Variants in DLGAP2 observed in about 807,000 individuals in gnomAD.
The protein encoded by DLGAP2 is DLG associated protein 2.
A neutral mutation model predicts 100.3 loss-of-function variants in DLGAP2; 26 were observed. The ratio of observed to expected loss-of-function variants is 0.26; its 90% CI spans 0.19 to 0.36. The LOEUF (loss-of-function observed/expected upper bound fraction) is 0.36. Among genes scored for constraint, DLGAP2 ranks in the 10% least tolerant of loss-of-function variants. The probability of loss-of-function intolerance (pLI) is 1.00; values close to 1 mark genes in which losing one functional copy is unlikely to be tolerated. For missense variants in DLGAP2, 1,858 were observed against 1,453.2 expected (o/e 1.28, Z -4.53); for synonymous variants, 886 against 630.1 (o/e 1.41, Z -6.08).
chr8:742,979 A>C (rs1024270573), intron 1 of DLGAP2, among the ~76,000 whole-genome samples: 4 of 152,218 alleles, frequency 2.6e-5, no homozygotes, highest in African/African-American at 9.6e-5. Flanking sequence ...TATTTTTATC[A>C]TGAAAAAATA....
At chr8:1,593,381 G>A (rs1193412199) in intron 6 of DLGAP2, among the ~76,000 whole-genome samples, 1 of 152,060 alleles carries the variant, frequency 6.6e-6, no homozygotes, top group Non-Finnish European at 1.5e-5. Flanking sequence ...CGTGAACCCA[G>A]GAGGCGGAGC....
intron 2 of DLGAP2, among the ~76,000 whole-genome samples, chr8:1,174,736 A>G (rs1221769365): frequency 6.6e-6 from 1 of 152,154 alleles, no homozygotes; most frequent in African/African-American, 2.4e-5. Context: ...TACCATGACC[A>G]AAATCATTAT....
At chr8:919,919 C>T (rs113789853) in intron 2 of DLGAP2, among the ~76,000 whole-genome samples, 185 of 152,324 alleles carry the variant, frequency 1.2e-3, no homozygotes, top group African/African-American at 4.1e-3. Context: ...GTTTTAATAA[C>T]TCCCTTCCAC....
chr8:1,139,660 G>T (rs929808279), intron 2 of DLGAP2, among the ~76,000 whole-genome samples: 1 of 152,178 alleles, frequency 6.6e-6, no homozygotes, highest in African/African-American at 2.4e-5. Flanking sequence ...AGCCCAGGGA[G>T]ACACTTTATC....
intron 1 of DLGAP2, among the ~76,000 whole-genome samples, chr8:778,719 C>G (rs909972740): frequency 6.6e-6 from 1 of 152,224 alleles, no homozygotes; most frequent in East Asian, 1.9e-4. Flanking sequence ...CAGCTGCGTA[C>G]TGGGAGAACC....
intron 6 of DLGAP2, among the ~76,000 whole-genome samples, chr8:1,586,075 G>A (rs1461503755): frequency 1.3e-5 from 2 of 152,210 alleles, no homozygotes; most frequent in Non-Finnish European, 2.9e-5. Context: ...CAAACTTAGT[G>A]TCTTAAAACA....
intron 8 of DLGAP2, among the ~76,000 whole-genome samples, chr8:1,656,068 A>T (rs553793511): frequency 1.3e-5 from 2 of 152,354 alleles, no homozygotes; most frequent in Non-Finnish European, 2.9e-5. Context: ...TCACAGCTGT[A>T]ATCCCAGCAC....
chr8:869,089 CCCTT>C (rs916386229), intron 1 of DLGAP2, among the ~76,000 whole-genome samples: 1 of 152,190 alleles, frequency 6.6e-6, no homozygotes, highest in Non-Finnish European at 1.5e-5. Flanking sequence ...CCTGGGCCCT[CCCTT>C]CCTTCCTCTC....
chr8:1,155,389 G>C (rs1332191360), intron 2 of DLGAP2, among the ~76,000 whole-genome samples: 1 of 152,200 alleles, frequency 6.6e-6, no homozygotes, highest in Admixed American at 6.5e-5. Context: ...TCTCCGAGTG[G>C]AGCTCTTGCC....
intron 2 of DLGAP2, among the ~76,000 whole-genome samples, chr8:935,983 AAGAGTC>A (rs1173584470): frequency 6.6e-6 from 1 of 152,234 alleles, no homozygotes; most frequent in Non-Finnish European, 1.5e-5. Flanking sequence ...GGAACAGTCT[AAGAGTC>A]AGAGTAGGAA....
chr8:1,628,282 C>G (rs970637063), intron 7 of DLGAP2, among the ~76,000 whole-genome samples: 3 of 146,038 alleles, frequency 2.1e-5, no homozygotes. Flanking sequence ...CACATTCTCT[C>G]TGACTTACTG....
chr8:1,596,725 G>GT (rs925785056), intron 6 of DLGAP2, among the ~76,000 whole-genome samples: 20 of 151,488 alleles, frequency 1.3e-4, no homozygotes, highest in African/African-American at 3.4e-4. Context: ...GGGTTGTTAG[G>GT]TTTTTTTTTC....
At chr8:1,480,254 G>A (rs78369871) in intron 3 of DLGAP2, among the ~76,000 whole-genome samples, 4,129 of 152,270 alleles carry the variant, frequency 0.027, 84 homozygotes, top group Middle Eastern at 0.11. Flanking sequence ...GCCGGGTCTT[G>A]TTTTTATGTC....
chr8:1,155,384 G>A (rs976548297), intron 2 of DLGAP2, among the ~76,000 whole-genome samples: 3 of 152,300 alleles, frequency 2.0e-5, no homozygotes, highest in South Asian at 2.1e-4. Context: ...GATGGTCTCC[G>A]AGTGGAGCTC....
At chr8:1,701,051 G>T in intron 14 of DLGAP2, 137 bp from the exon 15 acceptor site, 2 of 756,744 alleles carry the variant, frequency 2.6e-6, no homozygotes, top group East Asian at 2.7e-5. Flanking sequence ...CAGGGCAGAC[G>T]GGGGACGGGA....
intron 2 of DLGAP2, among the ~76,000 whole-genome samples, chr8:1,133,956 C>T (rs1268943357): frequency 1.3e-5 from 2 of 151,982 alleles, no homozygotes. Flanking sequence ...GATATTAAGC[C>T]CAGTACCCAT....
At chr8:1,443,106 A>G (rs1797884878) in intron 3 of DLGAP2, among the ~76,000 whole-genome samples, 1 of 152,222 alleles carries the variant, frequency 6.6e-6, no homozygotes, top group Non-Finnish European at 1.5e-5. Context: ...CATGGAAAGT[A>G]TGTAGTTAAA....
At chr8:1,163,612 C>T (rs1796934407) in intron 2 of DLGAP2, among the ~76,000 whole-genome samples, 2 of 152,352 alleles carry the variant, frequency 1.3e-5, no homozygotes, top group South Asian at 4.1e-4. Context: ...GTAACTGACC[C>T]CGGAAGCGCA....
At chr8:788,120 A>G (rs1324305549) in intron 1 of DLGAP2, among the ~76,000 whole-genome samples, 1 of 152,236 alleles carries the variant, frequency 6.6e-6, no homozygotes, top group East Asian at 1.9e-4. Context: ...ATCCTGTGTC[A>G]TGACAAGCAT....
Sources: gnomAD v4.1 joint callset for allele counts (sites outside exome capture counted in the v4.1 genomes callset) on GRCh38, gnomAD v4.1.1 for gene constraint, MANE v1.5 for transcripts, NCBI Gene and HGNC (gene_info 2026-07-23, HGNC 2026-07-21) for gene names.